RGS3: variants seen among roughly 807,000 people sequenced by gnomAD.
RGS3 encodes the protein regulator of G protein signaling 3, also known as regulator of G-protein signalling 3.
A neutral mutation model predicts 132.6 loss-of-function variants in RGS3; 80 were observed. That is an observed-to-expected ratio of 0.60 (90% CI 0.50 to 0.73). The LOEUF (loss-of-function observed/expected upper bound fraction) is 0.73, where lower values mean the gene tolerates loss of function less well. Ranked by LOEUF, RGS3 falls within the 30% of genes least tolerant of loss-of-function variation. The pLI is 0.00. For synonymous variants in RGS3, 598 were observed against 620.6 expected (o/e 0.96, Z 0.54); for missense variants, 1,382 against 1,530.8 (o/e 0.90, Z 1.62).
intron 6 of RGS3, among the ~76,000 whole-genome samples, chr9:113,484,954 G>A (rs1359213810): frequency 3.9e-5 from 6 of 152,128 alleles, no homozygotes; most frequent in Non-Finnish European, 7.4e-5. Flanking sequence ...TCACAGATAC[G>A]CCCTACTGTA....
At position 113,463,146 on chromosome 9, in the gene RGS3, G is replaced by T. The variant is rs1226046676; in HGVS notation, c.415+945G>T. 6.6e-6 allele frequency among the ~76,000 whole-genome samples: 1 copy of T among 152,200 alleles called. No individual in the cohort carries two copies. Among genetic ancestry groups the T allele is most frequent in the Non-Finnish European group, 1.5e-5 (1 of 68,026 alleles). ...AGGCTGTGGGACGGGGGGCCATCAG[G>T]TTGGTTGGAGCAAGCTGCTCCCATC... On this transcript the variant is annotated intron_variant, in intron 3 of 24. Transcript: ENST00000350696. This position sits in a 1 kb window ranked among gnomAD's most constrained non-coding sequence, Gnocchi z 4.6.
At chr9:113,464,398 A>C (rs571217909) in intron 3 of RGS3, among the ~76,000 whole-genome samples, 3 of 152,204 alleles carry the variant, frequency 2.0e-5, no homozygotes, top group Non-Finnish European at 4.4e-5. Flanking sequence ...ACAATCCCTT[A>C]GGAGGGTCCC....
In RGS3 at chr9:113,507,926, G is replaced by A. The variant is rs1831212743; in HGVS notation, c.1437+288G>A. On this transcript the variant is annotated intron_variant, in intron 13 of 24. Transcript: ENST00000350696. This position sits in a 1 kb window ranked among gnomAD's most constrained non-coding sequence, Gnocchi z 5.0. ...CTACTAGCCTGTGCTTTTCCCCAGT[G>A]GAATGGGCTGCCTTGGTAGGTGGTG... Among the ~76,000 whole-genome samples the A allele has an allele frequency of 6.6e-6, 1 of 152,190 alleles. No homozygotes were observed. The highest frequency in any genetic ancestry group is 2.1e-4 in the South Asian group (1 of 4,830).
intron 7 of RGS3, among the ~76,000 whole-genome samples, chr9:113,491,615 C>T (rs943040318): frequency 6.6e-5 from 10 of 151,568 alleles, no homozygotes; most frequent in South Asian, 2.1e-4. Context: ...AGTGGAATGG[C>T]GCGATCTCAC....
intron 19 of RGS3, among the ~76,000 whole-genome samples, chr9:113,552,764 G>A (rs1372130298): frequency 6.6e-6 from 1 of 152,110 alleles, no homozygotes; most frequent in Non-Finnish European, 1.5e-5. Context: ...TTTGAGAACA[G>A]GATGTGTCTC....
chr9:113,534,219 A>G (rs1832589377), intron 18 of RGS3, among the ~76,000 whole-genome samples: 1 of 152,104 alleles, frequency 6.6e-6, no homozygotes, highest in Admixed American at 6.5e-5. Flanking sequence ...CTTCTCCCAA[A>G]CATTGTTTTT....
intron 10 of RGS3, chr9:113,505,160 G>T: frequency 2.1e-6 from 1 of 469,654 alleles, no homozygotes; most frequent in South Asian, 2.8e-5. Flanking sequence ...GGCTCAGGAT[G>T]GCAAAGTTTG....
At chr9:113,578,427 G>C (rs906030235) in intron 19 of RGS3, among the ~76,000 whole-genome samples, 2 of 152,232 alleles carry the variant, frequency 1.3e-5, no homozygotes, top group African/African-American at 2.4e-5. Context: ...AGGTCACCCA[G>C]CAAGTAAGTG....
chr9:113,474,806 A>G (rs1261459216), intron 3 of RGS3, among the ~76,000 whole-genome samples: 2 of 152,080 alleles, frequency 1.3e-5, no homozygotes, highest in African/African-American at 4.8e-5. Flanking sequence ...TCCATCATAG[A>G]TGTATTCTCT....
intron 19 of RGS3, among the ~76,000 whole-genome samples, chr9:113,575,006 G>GTA (rs1464323896): frequency 1.3e-5 from 2 of 152,182 alleles, no homozygotes; most frequent in African/African-American, 4.8e-5. Flanking sequence ...CAAAGACTAC[G>GTA]AGTCCACCCA....
chr9:113,525,827 A>C (rs1051850055), intron 17 of RGS3, among the ~76,000 whole-genome samples: 3 of 152,154 alleles, frequency 2.0e-5, no homozygotes, highest in Non-Finnish European at 4.4e-5. Context: ...GTGCCTAATC[A>C]ATGTTTGTTG....
chr9:113,500,112 C>T (rs1830823337), intron 10 of RGS3, among the ~76,000 whole-genome samples: 1 of 152,216 alleles, frequency 6.6e-6, no homozygotes, highest in Non-Finnish European at 1.5e-5. Flanking sequence ...GTGCTGGATT[C>T]TGCACACAGG....
chr9:113,495,853 C>A lies in RGS3; in HGVS notation c.750+7C>A. On this transcript the variant is annotated splice_region_variant and intron_variant, in intron 8 of 24. Transcript: ENST00000350696. ...TCTCCTGACTCCAGACAAGGTGGGT[C>A]CTAGGGATGCTTCTGTCAGGATCAT... is the stretch of plus-strand genomic sequence containing the variant. The A allele has an allele frequency of 1.2e-6, 2 of 1,612,994 alleles. No individual in the cohort carries two copies. Among genetic ancestry groups the A allele is most frequent in the South Asian group, 1.1e-5 (1 of 91,056 alleles).
At chr9:113,450,989 C>G (rs1053616297) in intron 1 of RGS3, among the ~76,000 whole-genome samples, 2 of 151,958 alleles carry the variant, frequency 1.3e-5, no homozygotes, top group Non-Finnish European at 2.9e-5. Flanking sequence ...ACCAGCCTGG[C>G]CAATATGGTG....
Position 113,523,745 on chromosome 9 carries a change from C to G in RGS3, c.1870+704C>G, listed in dbSNP as rs1047839064. 2.6e-5 allele frequency among the ~76,000 whole-genome samples: 4 copies of G among 152,238 alleles called. No individual in the cohort carries two copies. In the East Asian group the frequency reaches 7.7e-4, roughly 29 times the overall value. ...TGCTGAGAGGGGCTCGGTTTCCTCT[C>G]CCAGATCATGAAAACAACAGACCCG... On this transcript the variant is annotated intron_variant, in intron 17 of 24. Coordinates refer to ENST00000350696, the Ensembl canonical transcript of RGS3.
At chr9:113,559,172 C>T (rs1588248579) in intron 19 of RGS3, among the ~76,000 whole-genome samples, 1 of 152,242 alleles carries the variant, frequency 6.6e-6, no homozygotes. Context: ...GCCTGGCCTC[C>T]CCGTAGCTGA....
intron 19 of RGS3, among the ~76,000 whole-genome samples, chr9:113,563,254 A>G (rs1307610390): frequency 6.6e-6 from 1 of 152,158 alleles, no homozygotes; most frequent in Non-Finnish European, 1.5e-5. Context: ...CTCCATGGCT[A>G]ATGTCTGCCT....
intron 16 of RGS3, chr9:113,522,690 T>C: frequency 1.9e-6 from 1 of 519,130 alleles, no homozygotes; most frequent in Admixed American, 3.2e-5. Flanking sequence ...TTCTGTTTGC[T>C]TTTTTCCTAC....
intron 10 of RGS3, among the ~76,000 whole-genome samples, chr9:113,502,338 T>C (rs1297832232): frequency 6.6e-6 from 1 of 152,268 alleles, no homozygotes; most frequent in Non-Finnish European, 1.5e-5. Context: ...GAAATTGTCC[T>C]GATTTTAAAA....
Sources: allele counts gnomAD v4.1 joint callset (sites outside exome capture counted in the v4.1 genomes callset), GRCh38; gene constraint gnomAD v4.1.1; non-coding constraint Gnocchi (gnomAD v3.1); transcripts MANE v1.5; gene names NCBI Gene and HGNC (gene_info 2026-07-23, HGNC 2026-07-21).